PPP5C: variants seen among roughly 807,000 people sequenced by gnomAD.
PPP5C encodes the protein serine/threonine-protein phosphatase 5.
Under a neutral mutation model 66.7 loss-of-function variants are expected in PPP5C, and 21 were observed. That is an observed-to-expected ratio of 0.31 (90% CI 0.22 to 0.45). PPP5C has a LOEUF of 0.45. Ranked by LOEUF, PPP5C falls within the 20% of genes least tolerant of loss-of-function variation. PPP5C has a pLI of 1.00. For synonymous variants in PPP5C, 246 were observed against 257.4 expected (o/e 0.96, Z 0.43); for missense variants, 464 against 675.9 (o/e 0.69, Z 3.48).
At position 46,388,272 on chromosome 19, in the gene PPP5C, T is replaced by C; in HGVS notation, c.1136-136T>C. The C allele has an allele frequency of 4.4e-6, 4 of 903,956 alleles. No homozygotes were observed. In the South Asian group the frequency reaches 7.6e-5, roughly 17 times the overall value. The allele number at this position is 903,956 out of a possible 1,614,324, so 56.0% of individuals were successfully genotyped here. A position where few individuals can be genotyped will look rare whatever the true frequency, so the allele number is the denominator to read the frequency against. On this transcript the variant is annotated intron_variant, in intron 9 of 12. Transcript: ENST00000012443. This position sits in a 1 kb window ranked among gnomAD's most constrained non-coding sequence, Gnocchi z 4.9. The stretch of plus-strand genomic sequence containing the variant: ...CACCTGTCCTGAATGTCCATGTCCA[T>C]GCTGGATGTCCCCTGCCCAACACCC...
intron 11 of PPP5C, among the ~76,000 whole-genome samples, chr19:46,389,367 ACACACACACACACACACACACACAC>A (rs1568579818): frequency 0.021 from 45 of 2,178 alleles, no homozygotes; most frequent in African/African-American, 0.028. Flanking sequence ...CTCAAAACAC[ACACACACACACACACACACACACAC>A]ACACACACAC....
At position 46,375,727 on chromosome 19, in the gene PPP5C, G is replaced by A. The variant is rs1972682423; in HGVS notation, c.487G>A (p.Asp163Asn). ...AGDEHKRSVV[D>N]SLDIESMTIE... ...CGACGAGCACAAGCGCTCCGTGGTG[G>A]ACTCGCTGGACATCGAGAGCATGAG... The change falls in exon 3 of 13, where the codon GAC (aspartate) becomes AAC (asparagine). Residue 163 changes from aspartate (D) to asparagine (N), a missense_variant. By Grantham distance (23) the Asp-to-Asn change is conservative (BLOSUM62 1). Around this residue, in one of 2 missense-constraint regions of PPP5C, gnomAD observed 387 missense variants for 626.0 expected, o/e 0.62. Coordinates refer to ENST00000012443, the MANE Select transcript of PPP5C (RefSeq NM_006247.4). 6.2e-7 allele frequency: 1 copy of A among 1,606,410 alleles called. No homozygotes were observed. The highest frequency in any genetic ancestry group is 8.5e-7 in the Non-Finnish European group (1 of 1,176,448).
At chr19:46,381,663 C>T (rs1007061889) in intron 4 of PPP5C, 2 of 152,204 alleles carry the variant, frequency 1.3e-5, no homozygotes, top group Non-Finnish European at 2.9e-5. Context: ...TGGGGAGGAT[C>T]ACCTGAACCT....
At chr19:46,358,948 T>C (rs1972334746) in intron 2 of PPP5C, among the ~76,000 whole-genome samples, 3 of 152,200 alleles carry the variant, frequency 2.0e-5, no homozygotes, top group African/African-American at 7.2e-5. Context: ...GGGACATGAC[T>C]GCTCCCTCAT....
intron 2 of PPP5C, among the ~76,000 whole-genome samples, chr19:46,367,993 C>G (rs1408205565): frequency 2.6e-5 from 4 of 152,118 alleles, no homozygotes; most frequent in African/African-American, 9.7e-5. Flanking sequence ...CAGCAGCTGG[C>G]GGAAAATCCC....
chr19:46,384,082 C>T, intron 6 of PPP5C: 1 of 578,128 alleles, frequency 1.7e-6, no homozygotes, highest in Non-Finnish European at 3.1e-6. Context: ...CCTGGGCCAG[C>T]ACCCACCTGC....
At chr19:46,379,691 A>G (rs1372217304) in intron 4 of PPP5C, among the ~76,000 whole-genome samples, 2 of 151,910 alleles carry the variant, frequency 1.3e-5, no homozygotes, top group African/African-American at 4.8e-5. Context: ...ATTTTTTGTT[A>G]TACTTTTGAA....
intron 4 of PPP5C, among the ~76,000 whole-genome samples, chr19:46,379,823 A>T (rs115411753): frequency 0.011 from 1,593 of 151,466 alleles, 22 homozygotes; most frequent in African/African-American, 0.036. Context: ...CAGTGAATTA[A>T]CTCCTCTCCT....
In PPP5C at chr19:46,376,403, T is replaced by A; in HGVS notation, c.512-50T>A. 6.2e-7 allele frequency: 1 copy of A among 1,602,466 alleles called. No homozygotes were observed. Among genetic ancestry groups the A allele is most frequent in the Non-Finnish European group, 8.5e-7 (1 of 1,172,924 alleles). On this transcript the variant is annotated intron_variant, in intron 3 of 12. Transcript: ENST00000012443. The surrounding 1 kb of genome is among the most constrained non-coding windows in gnomAD (Gnocchi z 5.1). ...CCTGGGAGCGAGACCCCCTTCTCCC[T>A]CATAGTGGCTGTGGTCACTGACTCT...
Position 46,388,558 on chromosome 19 carries a change from G to A in PPP5C, c.1182G>A (p.Gly394=). 1 of 1,614,008 alleles carries A rather than the reference G, an allele frequency of 6.2e-7. No homozygotes were observed. ...TCCCTTCTGCCCACCCTCAGAACGG[G>A]CGCTCGATCAGCAAGCGGGGCGTGA... ...LLWSDPQPQN[G]RSISKRGVSC... The change falls in exon 11 of 13, where the codon GGG becomes GGA. Residue 394 remains glycine, a synonymous_variant. Transcript: ENST00000012443. This position sits in a 1 kb window ranked among gnomAD's most constrained non-coding sequence, Gnocchi z 4.9.
rs538671163 is a variant in PPP5C at position 46,382,855 on chromosome 19, A to C, written c.634-556A>C. On this transcript the variant is annotated intron_variant, in intron 4 of 12. Transcript: ENST00000012443. ...ATTGACAAATATGCATGTCATTGTC[A>C]AGGTCATATCCAATCTGTGAAAAAT... 28 of 1,049,198 alleles carry C rather than the reference A, an allele frequency of 2.7e-5. No individual in the cohort carries two copies. The South Asian group carries it at 7.8e-4, about 29-fold the overall frequency. 65.0% of individuals were successfully genotyped at this position (1,049,198 alleles called of 1,614,324 possible).
chr19:46,375,603 G>A lies in PPP5C; in HGVS notation c.364-1G>A. ...GTGCACGCCCCTTCCCTCCCACCCAGGTGGTCAAGGTGAAGCCCCATGACA... is the reference window on the plus strand; with the variant it reads ...GTGCACGCCCCTTCCCTCCCACCCAAGTGGTCAAGGTGAAGCCCCATGACA... On this transcript the variant is annotated splice_acceptor_variant, in intron 2 of 12. Coordinates refer to ENST00000012443, the MANE Select transcript of PPP5C (RefSeq NM_006247.4). LOFTEE classifies it high-confidence loss of function. 1 of 1,613,952 alleles carries A rather than the reference G, an allele frequency of 6.2e-7. No individual in the cohort carries two copies. The highest frequency in any genetic ancestry group is 8.5e-7 in the Non-Finnish European group (1 of 1,179,908).
chr19:46,369,681 A>T (rs938479238), intron 2 of PPP5C, among the ~76,000 whole-genome samples: 1 of 150,258 alleles, frequency 6.7e-6, no homozygotes, highest in African/African-American at 2.5e-5. Context: ...TAATCCCAGC[A>T]CTTTAGGAGT....
chr19:46,349,831 G>A (rs1972151362), intron 1 of PPP5C, among the ~76,000 whole-genome samples: 1 of 151,858 alleles, frequency 6.6e-6, no homozygotes, highest in Non-Finnish European at 1.5e-5. Flanking sequence ...TGCCTGGAGA[G>A]AGGGTGGACG....
intron 2 of PPP5C, among the ~76,000 whole-genome samples, chr19:46,361,192 C>T (rs1252011306): frequency 7.2e-6 from 1 of 138,136 alleles, no homozygotes; most frequent in African/African-American, 2.7e-5. Context: ...TGCAGTGGTG[C>T]AATCTCCACT....
In PPP5C at chr19:46,375,639, A is replaced by C. The variant is rs780778872; in HGVS notation, c.399A>C (p.Lys133Asn). 7 of 1,614,004 alleles carry C rather than the reference A, an allele frequency of 4.3e-6. No homozygotes were observed. In the East Asian group the frequency reaches 1.6e-4, roughly 36 times the overall value. The part of the protein sequence containing the change: ...VKVKPHDKDA[K>N]MKYQECNKIV... ...TGAAGCCCCATGACAAGGATGCCAA[A>C]ATGAAATACCAGGAGTGCAACAAGA... is the stretch of plus-strand genomic sequence containing the variant. Residue 133 changes from lysine to asparagine, a missense_variant, in exon 3 of 13, where the codon AAA becomes AAC. Physicochemically the swap from Lys to Asn is moderately conservative, Grantham distance 94. This residue lies in a region of PPP5C where 387 missense variants were observed against 626.0 expected (regional missense o/e 0.62). Transcript: ENST00000012443.
In PPP5C at chr19:46,383,404, C is replaced by T; in HGVS notation, c.634-7C>T. On this transcript the variant is annotated splice_region_variant and splice_polypyrimidine_tract_variant and intron_variant, in intron 4 of 12. Transcript: ENST00000012443. This position sits in a 1 kb window ranked among gnomAD's most constrained non-coding sequence, Gnocchi z 5.0. ...GCCGGTCCCACTGAGTCTGCCCTGCCTTCCAGATTCTGGTACAGGTCAAAG... is the reference window on the plus strand; with the variant it reads ...GCCGGTCCCACTGAGTCTGCCCTGCTTTCCAGATTCTGGTACAGGTCAAAG... 2 of 1,610,502 alleles carry T rather than the reference C, an allele frequency of 1.2e-6. No individual in the cohort carries two copies. Among genetic ancestry groups the T allele is most frequent in the Non-Finnish European group, 1.7e-6 (2 of 1,178,476 alleles).
At chr19:46,378,854 G>C (rs1160556096) in intron 4 of PPP5C, among the ~76,000 whole-genome samples, 2 of 151,172 alleles carry the variant, frequency 1.3e-5, no homozygotes, top group Non-Finnish European at 2.9e-5. Flanking sequence ...CATATACTTG[G>C]GTCTTGCCTT....
intron 2 of PPP5C, among the ~76,000 whole-genome samples, chr19:46,360,248 A>G (rs1972360214): frequency 1.3e-5 from 2 of 152,158 alleles, no homozygotes; most frequent in Admixed American, 6.5e-5. Flanking sequence ...ATATACGAGG[A>G]CATAGTTTCT....
Sources: gnomAD v4.1 joint callset for allele counts (sites outside exome capture counted in the v4.1 genomes callset) on GRCh38, gnomAD v4.1.1 for gene constraint, gnomAD v4.1.1 regional missense constraint, Gnocchi (gnomAD v3.1) non-coding constraint, MANE v1.5 for transcripts, NCBI Gene and HGNC (gene_info 2026-07-23, HGNC 2026-07-21) for gene names.